Variants in ANK1 observed in about 807,000 individuals in gnomAD.
The protein encoded by ANK1 is ankyrin-1.
A neutral mutation model predicts 210.4 loss-of-function variants in ANK1; 51 were observed. That is an observed-to-expected ratio of 0.24 (90% CI 0.19 to 0.31). The LOEUF is 0.31. ANK1 is among the 10% of genes least tolerant of loss of function. ANK1 has a pLI of 1.00. For synonymous variants in ANK1, 967 were observed against 1,025.9 expected, an observed-to-expected ratio of 0.94 and a Z score of 1.10; for missense variants, 2,051 against 2,504.4, an observed-to-expected ratio of 0.82 and a Z score of 3.86.
At chr8:41,678,793 T>C (rs1414799844) in intron 37 of ANK1, among the ~76,000 whole-genome samples, 1 of 152,206 alleles carries the variant, frequency 6.6e-6, no homozygotes, top group Non-Finnish European at 1.5e-5. Flanking sequence ...TGTTTGTTTG[T>C]TTGTTTTGAG....
In ANK1 at chr8:41,724,447, C is replaced by T. The variant is rs1174877982; in HGVS notation, c.711+9G>A. ...CCGGACAGTGAGGGCGCACGTGCCC[C>T]AGGGTTACCTGTGGTGTGAAATTGA... On this transcript the variant is annotated intron_variant, in intron 7 of 42. Coordinates refer to ENST00000289734, the MANE Select transcript of ANK1 (RefSeq NM_000037.4). 2.6e-6 allele frequency: 4 copies of T among 1,565,062 alleles called. No individual in the cohort carries two copies. Among genetic ancestry groups the T allele is most frequent in the East Asian group, 2.4e-5 (1 of 42,474 alleles).
chr8:41,827,802 C>CA (rs1054277423), intron 1 of ANK1, among the ~76,000 whole-genome samples: 1 of 151,626 alleles, frequency 6.6e-6, no homozygotes, highest in African/African-American at 2.4e-5. Context: ...CATGCACACT[C>CA]ACGCACACAC....
chr8:41,858,048 C>T (rs189749732), intron 1 of ANK1, among the ~76,000 whole-genome samples: 1 of 152,054 alleles, frequency 6.6e-6, no homozygotes, highest in Non-Finnish European at 1.5e-5. Flanking sequence ...GACAACATAG[C>T]AAGACCCCCC....
intron 1 of ANK1, among the ~76,000 whole-genome samples, chr8:41,773,963 A>C (rs9785172): frequency 0.068 from 10,324 of 152,304 alleles, 533 homozygotes; most frequent in African/African-American, 0.14. Flanking sequence ...AACCAGATGA[A>C]GCGAACAGAA....
chr8:41,751,064 T>C (rs1837593449), intron 2 of ANK1, among the ~76,000 whole-genome samples: 1 of 152,232 alleles, frequency 6.6e-6, no homozygotes, highest in Non-Finnish European at 1.5e-5. Context: ...AGGCCGGCAC[T>C]GCTCTTTTCT....
chr8:41,732,457 G>A (rs1190955813), intron 3 of ANK1, among the ~76,000 whole-genome samples: 1 of 152,184 alleles, frequency 6.6e-6, no homozygotes, highest in Non-Finnish European at 1.5e-5. Context: ...CTGTCACCCA[G>A]GCTGGAGTGC....
At chr8:41,886,103 C>T (rs62508236) in intron 1 of ANK1, among the ~76,000 whole-genome samples, 5,073 of 152,288 alleles carry the variant, frequency 0.033, 123 homozygotes, top group Middle Eastern at 0.12. Context: ...CCAAGGCCCA[C>T]ATTTTTTAAG....
In ANK1 at chr8:41,740,481, A is replaced by G. The variant is rs185451563; in HGVS notation, c.130-6412T>C. Among the ~76,000 whole-genome samples the G allele has an allele frequency of 4.6e-5, 7 of 152,098 alleles. No homozygotes were observed. The South Asian group carries it at 1.0e-3, about 23-fold the overall frequency. ...AATTGCCTGCTTGTTATTGGTGTAG[A>G]ATCCCGGGCCCAAAACAATCTACAG... On this transcript the variant is annotated intron_variant, in intron 2 of 42. Coordinates refer to ENST00000289734, the MANE Select transcript of ANK1 (RefSeq NM_000037.4).
intron 1 of ANK1, among the ~76,000 whole-genome samples, chr8:41,774,572 A>G (rs963768457): frequency 6.6e-6 from 1 of 152,158 alleles, no homozygotes; most frequent in Non-Finnish European, 1.5e-5. Flanking sequence ...TTTCCCCACA[A>G]TCTCCATTAG....
intron 1 of ANK1, among the ~76,000 whole-genome samples, chr8:41,821,394 G>T (rs183886073): frequency 2.8e-4 from 42 of 152,198 alleles, no homozygotes; most frequent in African/African-American, 1.0e-3. Flanking sequence ...ATCTGTGTAC[G>T]TGGTCATCTC....
At chr8:41,688,047 C>A in intron 35 of ANK1, 109 bp downstream of exon 35, 1 of 1,323,794 alleles carries the variant, frequency 7.6e-7, no homozygotes, top group South Asian at 1.2e-5. Flanking sequence ...ATCAGATAAC[C>A]CACGGGTGAT....
chr8:41,805,183 TTCTC>T (rs965741665), intron 1 of ANK1, among the ~76,000 whole-genome samples: 3 of 143,416 alleles, frequency 2.1e-5, no homozygotes, highest in Non-Finnish European at 3.0e-5. Flanking sequence ...CTTTCTTTCT[TTCTC>T]TCTCTCTGTC....
chr8:41,661,260 G>A, intron 42 of ANK1, 170 bp downstream of exon 42: 3 of 1,019,940 alleles, frequency 2.9e-6, no homozygotes, highest in Non-Finnish European at 2.9e-6. Flanking sequence ...CTGGGGTTCA[G>A]AGCCAACTGT....
intron 7 of ANK1, among the ~76,000 whole-genome samples, chr8:41,724,083 C>T (rs934486097): frequency 5.9e-5 from 9 of 152,064 alleles, no homozygotes; most frequent in South Asian, 4.1e-4. Context: ...CCACCGCGCC[C>T]GGCCTAAGAC....
intron 1 of ANK1, among the ~76,000 whole-genome samples, chr8:41,841,768 G>A (rs1313925985): frequency 2.6e-5 from 4 of 152,062 alleles, no homozygotes; most frequent in South Asian, 2.1e-4. Flanking sequence ...GACCCTTTCC[G>A]CCACACATCA....
At chr8:41,779,448 C>T (rs902957295) in intron 1 of ANK1, among the ~76,000 whole-genome samples, 5 of 151,868 alleles carry the variant, frequency 3.3e-5, no homozygotes, top group Non-Finnish European at 7.4e-5. Context: ...AAATGAGGAT[C>T]TCACTATGTT....
chr8:41,884,891 A>G (rs1818195610), intron 1 of ANK1, among the ~76,000 whole-genome samples: 6 of 152,032 alleles, frequency 3.9e-5, no homozygotes, highest in Admixed American at 3.9e-4. Flanking sequence ...CCGGAGAGGG[A>G]GCACCCTGCG....
At chr8:41,735,279 A>G (rs941246905) in intron 2 of ANK1, among the ~76,000 whole-genome samples, 2 of 152,218 alleles carry the variant, frequency 1.3e-5, no homozygotes, top group African/African-American at 4.8e-5. Context: ...GGAGCAAAAT[A>G]TCAATTCCAA....
intron 37 of ANK1, among the ~76,000 whole-genome samples, chr8:41,678,974 C>CAG (rs751116131): frequency 1.2e-4 from 19 of 152,210 alleles, no homozygotes; most frequent in Admixed American, 1.0e-3. Flanking sequence ...TTAGTAGAGA[C>CAG]AGGGTTTCAC....
Sources: gnomAD v4.1 joint callset for allele counts (sites outside exome capture counted in the v4.1 genomes callset) on GRCh38, gnomAD v4.1.1 for gene constraint, MANE v1.5 for transcripts, NCBI Gene and HGNC (gene_info 2026-07-23, HGNC 2026-07-21) for gene names.